Variants in SLC23A2 observed in about 807,000 individuals in gnomAD.
SLC23A2 encodes the protein solute carrier family 23 member 2, also known as Na(+)/L-ascorbic acid transporter 2.
A neutral mutation model predicts 73.3 loss-of-function variants in SLC23A2; 36 were observed. That is an observed-to-expected ratio of 0.49 (90% CI 0.38 to 0.65). The LOEUF (loss-of-function observed/expected upper bound fraction) is 0.65, where lower values mean the gene tolerates loss of function less well. SLC23A2 is among the 30% of genes least tolerant of loss of function. SLC23A2 has a pLI of 0.00. For missense variants in SLC23A2, 507 were observed against 841.6 expected (o/e 0.60, Z 4.92); for synonymous variants, 343 against 327.3 (o/e 1.05, Z -0.52).
chr20:4,993,811 G>C (rs1294319547), intron 1 of SLC23A2, among the ~76,000 whole-genome samples: 1 of 152,212 alleles, frequency 6.6e-6, no homozygotes, highest in African/African-American at 2.4e-5. Context: ...GCTGGGAACA[G>C]TGGCTCACGG....
At chr20:4,858,652 C>T (rs914901853) in intron 16 of SLC23A2, among the ~76,000 whole-genome samples, 3 of 152,136 alleles carry the variant, frequency 2.0e-5, no homozygotes, top group Non-Finnish European at 4.4e-5. Context: ...CATGGCAGCA[C>T]TTTACAGTGG....
intron 3 of SLC23A2, among the ~76,000 whole-genome samples, chr20:4,920,799 G>A (rs1691828757): frequency 6.6e-6 from 1 of 152,102 alleles, no homozygotes; most frequent in African/African-American, 2.4e-5. Flanking sequence ...CTATCCTAGG[G>A]CTATCAGTAA....
rs922041396 is a variant in SLC23A2 at position 4,868,209 on chromosome 20, G to A, written c.1251-334C>T. ...ATTCTCCTGCCTCCCGAGTAGCTGG[G>A]ATTACAGGTTTGCACCACCATGCCT... On this transcript the variant is annotated intron_variant, in intron 12 of 16. Coordinates refer to ENST00000338244, the MANE Select transcript of SLC23A2 (RefSeq NM_005116.6). The surrounding 1 kb of genome is among the most constrained non-coding windows in gnomAD (Gnocchi z 4.4). Among the ~76,000 whole-genome samples, 1 of 151,466 alleles carries A rather than the reference G, an allele frequency of 6.6e-6. No individual in the cohort carries two copies. The highest frequency in any genetic ancestry group is 1.5e-5 in the Non-Finnish European group (1 of 67,948).
chr20:4,989,095 C>T (rs1017044207), intron 1 of SLC23A2, among the ~76,000 whole-genome samples: 2 of 151,222 alleles, frequency 1.3e-5, no homozygotes, highest in South Asian at 2.1e-4. Flanking sequence ...AAAAATTAGC[C>T]GGGCATGGTG....
chr20:4,881,075 AG>A (rs1449437541), intron 9 of SLC23A2, among the ~76,000 whole-genome samples: 1 of 152,232 alleles, frequency 6.6e-6, no homozygotes, highest in Non-Finnish European at 1.5e-5. Flanking sequence ...ATGAGGCGAA[AG>A]GAAGACTGAA....
chr20:4,872,977 C>A lies in SLC23A2; in HGVS notation c.1102+959G>T. 6.6e-6 allele frequency among the ~76,000 whole-genome samples: 1 copy of A among 152,210 alleles called. No individual in the cohort carries two copies. Among genetic ancestry groups the A allele is most frequent in the East Asian group, 1.9e-4 (1 of 5,192 alleles). ...CCATGTTGGCCAGGCTGGTCTTGAA[C>A]TCCTGACCTCGGGTGATCCTCCTGC... On this transcript the variant is annotated intron_variant, in intron 11 of 16. Transcript: ENST00000338244. The surrounding 1 kb of genome is among the most constrained non-coding windows in gnomAD (Gnocchi z 4.4).
intron 2 of SLC23A2, among the ~76,000 whole-genome samples, chr20:4,942,101 T>G (rs2087050734): frequency 6.6e-6 from 1 of 152,130 alleles, no homozygotes; most frequent in African/African-American, 2.4e-5. Context: ...CAGACTCAAG[T>G]CCAGGGGAAA....
chr20:4,969,583 T>A (rs2087530516), intron 2 of SLC23A2, among the ~76,000 whole-genome samples: 1 of 144,482 alleles, frequency 6.9e-6, no homozygotes, highest in African/African-American at 2.7e-5. Context: ...CAGCATCCTT[T>A]TTTTTTTTTT....
chr20:4,958,793 C>T (rs1270866894), intron 2 of SLC23A2, among the ~76,000 whole-genome samples: 1 of 151,966 alleles, frequency 6.6e-6, no homozygotes, highest in African/African-American at 2.4e-5. Context: ...TAACACAATG[C>T]TCTGATTTTG....
At chr20:4,993,862 C>T (rs988920715) in intron 1 of SLC23A2, among the ~76,000 whole-genome samples, 1 of 152,050 alleles carries the variant, frequency 6.6e-6, no homozygotes, top group African/African-American at 2.4e-5. Context: ...CTCAAGAGTT[C>T]GAGACCATCC....
intron 9 of SLC23A2, among the ~76,000 whole-genome samples, chr20:4,881,062 G>C (rs953541812): frequency 5.3e-5 from 8 of 152,210 alleles, no homozygotes; most frequent in Non-Finnish European, 1.0e-4. Context: ...GGCTGTGTGG[G>C]GGATGAGGCG....
At chr20:4,909,358 G>C (rs1041628268) in intron 4 of SLC23A2, among the ~76,000 whole-genome samples, 1 of 152,068 alleles carries the variant, frequency 6.6e-6, no homozygotes, top group South Asian at 2.1e-4. Flanking sequence ...GTTTTAGGAC[G>C]GTTACTCTAC....
intron 4 of SLC23A2, among the ~76,000 whole-genome samples, chr20:4,909,393 G>A (rs930620808): frequency 7.2e-5 from 11 of 152,120 alleles, no homozygotes; most frequent in African/African-American, 2.7e-4. Context: ...CGCTGGTTAC[G>A]TAGAATATAT....
intron 6 of SLC23A2, among the ~76,000 whole-genome samples, chr20:4,891,625 C>T (rs1931335078): frequency 6.6e-6 from 1 of 152,230 alleles, no homozygotes; most frequent in Non-Finnish European, 1.5e-5. Flanking sequence ...CAAGGCTGTC[C>T]AGCCCTTGCT....
rs1931348126 is a variant in SLC23A2 at position 4,891,991 on chromosome 20, T to C, written c.483-6082A>G. On this transcript the variant is annotated intron_variant, in intron 6 of 16. Transcript: ENST00000338244. ...CTGGTCTTGAACTTCGGGGCTCAAG[T>C]GATCCTCCCACTTTGGCCTCCCAAA... Among the ~76,000 whole-genome samples the C allele has an allele frequency of 2.0e-5, 3 of 152,196 alleles. No individual in the cohort carries two copies. In the South Asian group the frequency reaches 6.2e-4, roughly 32 times the overall value.
At chr20:4,968,242 T>C (rs1457526105) in intron 2 of SLC23A2, among the ~76,000 whole-genome samples, 1 of 152,130 alleles carries the variant, frequency 6.6e-6, no homozygotes, top group Non-Finnish European at 1.5e-5. Context: ...AGGGTTAGCC[T>C]TGAAAGATGG....
At chr20:4,936,577 C>T (rs1009360423) in intron 2 of SLC23A2, among the ~76,000 whole-genome samples, 5 of 152,168 alleles carry the variant, frequency 3.3e-5, no homozygotes, top group Admixed American at 3.3e-4. Flanking sequence ...TGCAAGTCAC[C>T]ATGCCTGGCT....
At chr20:5,004,617 A>G (rs549583173), upstream of SLC23A2, among the ~76,000 whole-genome samples, 4 of 152,326 alleles carry the variant, frequency 2.6e-5, no homozygotes, top group South Asian at 8.3e-4. Context: ...AGACCAAGGC[A>G]GGAGGATCGC....
At chr20:4,915,548 T>C (rs1932292096) in intron 3 of SLC23A2, among the ~76,000 whole-genome samples, 2 of 152,176 alleles carry the variant, frequency 1.3e-5, no homozygotes, top group African/African-American at 4.8e-5. Flanking sequence ...CCAGAGAGAT[T>C]CCCAATTCAT....
Sources: gnomAD v4.1 joint callset for allele counts (sites outside exome capture counted in the v4.1 genomes callset) on GRCh38, gnomAD v4.1.1 for gene constraint, Gnocchi (gnomAD v3.1) non-coding constraint, MANE v1.5 for transcripts, NCBI Gene and HGNC (gene_info 2026-07-23, HGNC 2026-07-21) for gene names.